Variants in IKZF3 observed in about 807,000 individuals in gnomAD.
IKZF3 encodes IKAROS family zinc finger 3.
Under a neutral mutation model 49.0 loss-of-function variants are expected in IKZF3, and 10 were observed. The ratio of observed to expected loss-of-function variants is 0.20; its 90% CI spans 0.13 to 0.35. The LOEUF (loss-of-function observed/expected upper bound fraction) is 0.35. IKZF3 is among the 10% of genes least tolerant of loss of function. The pLI is 1.00. For missense variants in IKZF3, 498 were observed against 664.8 expected, an observed-to-expected ratio of 0.75 and a Z score of 2.76; for synonymous variants, 209 against 228.2, an observed-to-expected ratio of 0.92 and a Z score of 0.76.
chr17:39,844,864 C>T (rs561638747), intron 1 of IKZF3, among the ~76,000 whole-genome samples: 22 of 152,128 alleles, frequency 1.4e-4, no homozygotes, highest in African/African-American at 3.9e-4. Flanking sequence ...TCAGGTAATC[C>T]GCCTGCCTCA....
At chr17:39,835,312 C>T (rs2062240509) in intron 1 of IKZF3, 1 of 541,100 alleles carries the variant, frequency 1.8e-6, no homozygotes, top group Non-Finnish European at 3.6e-6. Context: ...AGCTGACGCG[C>T]CACGTCCTGC....
intron 6 of IKZF3, among the ~76,000 whole-genome samples, chr17:39,782,282 C>T (rs545653254): frequency 5.3e-4 from 80 of 152,158 alleles, no homozygotes; most frequent in Non-Finnish European, 7.9e-4. Flanking sequence ...CCATGGTTTG[C>T]GCCTGTAATC....
intron 3 of IKZF3, among the ~76,000 whole-genome samples, chr17:39,815,965 G>A (rs907332095): frequency 7.9e-5 from 12 of 151,984 alleles, no homozygotes; most frequent in South Asian, 2.1e-4. Flanking sequence ...AAACAATTTC[G>A]AACAGAATAT....
chr17:39,829,611 C>T lies in IKZF3; in HGVS notation c.62-123G>A. On this transcript the variant is annotated intron_variant, in intron 2 of 7. Coordinates refer to ENST00000346872, the MANE Select transcript of IKZF3 (RefSeq NM_012481.5). ...AATCCTTTAGTGACAGATAGTACCC[C>T]TTCACACATACCCAAAAGGGATGTA... 3 of 653,024 alleles carry T rather than the reference C, an allele frequency of 4.6e-6. No homozygotes were observed. The South Asian group carries it at 5.7e-5, about 12-fold the overall frequency. 40.5% of individuals were successfully genotyped at this position (653,024 alleles called of 1,614,324 possible).
At chr17:39,835,856 A>T in intron 1 of IKZF3, 1 of 606,646 alleles carries the variant, frequency 1.6e-6, no homozygotes, top group Non-Finnish European at 3.1e-6. Flanking sequence ...CTGTATGCTT[A>T]CTGATCTCAT....
At position 39,864,222 on chromosome 17, in the gene IKZF3, A is replaced by G. The variant is rs1214675241; in HGVS notation, c.-96T>C. 1 of 1,444,052 alleles carries G rather than the reference A, an allele frequency of 6.9e-7. No homozygotes were observed. The highest frequency in any genetic ancestry group is 2.2e-5 in the Admixed American group (1 of 46,346). 89.5% of individuals were successfully genotyped at this position (1,444,052 alleles called of 1,614,324 possible). A position where few individuals can be genotyped will look rare whatever the true frequency, so the allele number is the denominator to read the frequency against. Reference sequence around the variant, plus strand: ...GGACTCAGCGCGCAGCTGGCGGGAGATTCCCGGCGCGGGGAGTCCCCGGGA... The same window carrying G: ...GGACTCAGCGCGCAGCTGGCGGGAGGTTCCCGGCGCGGGGAGTCCCCGGGA... On this transcript the variant is annotated 5_prime_UTR_variant, in exon 1 of 8. Transcript: ENST00000346872.
At chr17:39,851,070 TAGAG>T (rs948830503) in intron 1 of IKZF3, among the ~76,000 whole-genome samples, 2 of 147,472 alleles carry the variant, frequency 1.4e-5, no homozygotes, top group South Asian at 4.2e-4. Flanking sequence ...TATATATATA[TAGAG>T]AGAGAGGGAG....
At chr17:39,769,383 C>T (rs1400637845) in intron 7 of IKZF3, among the ~76,000 whole-genome samples, 1 of 152,104 alleles carries the variant, frequency 6.6e-6, no homozygotes, top group African/African-American at 2.4e-5. Context: ...AGCAGCTGAC[C>T]TTAAGGCCAA....
intron 7 of IKZF3, among the ~76,000 whole-genome samples, chr17:39,768,316 T>A (rs1314249610): frequency 6.6e-6 from 1 of 152,136 alleles, no homozygotes; most frequent in Non-Finnish European, 1.5e-5. Context: ...TGGAAGAATT[T>A]AGATTTTCAG....
intron 3 of IKZF3, among the ~76,000 whole-genome samples, chr17:39,801,138 C>A (rs2061306530): frequency 6.6e-6 from 1 of 152,106 alleles, no homozygotes; most frequent in Non-Finnish European, 1.5e-5. Flanking sequence ...AAGATAGAGG[C>A]TGTTAGGGAA....
At chr17:39,861,060 ATAAAAAG>A (rs60534400) in intron 1 of IKZF3, among the ~76,000 whole-genome samples, 8,772 of 152,232 alleles carry the variant, frequency 0.058, 386 homozygotes, top group African/African-American at 0.12. Context: ...AATAAACATA[ATAAAAAG>A]TACTTTTTCA....
intron 3 of IKZF3, among the ~76,000 whole-genome samples, chr17:39,808,893 C>G (rs150112099): frequency 1.3e-5 from 2 of 152,092 alleles, no homozygotes; most frequent in African/African-American, 4.8e-5. Flanking sequence ...GTTCAAATGT[C>G]GGTGGATGGG....
intron 3 of IKZF3, among the ~76,000 whole-genome samples, chr17:39,822,751 T>G (rs1427306125): frequency 6.6e-6 from 1 of 151,774 alleles, no homozygotes; most frequent in Non-Finnish European, 1.5e-5. Context: ...CCCAGCTAAT[T>G]TTTTGTATTT....
At chr17:39,811,318 G>GGAAAGAAAGAAA (rs71355418) in intron 3 of IKZF3, among the ~76,000 whole-genome samples, 54 of 132,590 alleles carry the variant, frequency 4.1e-4, no homozygotes, top group African/African-American at 1.4e-3. Context: ...AAAGAGAGAA[G>GGAAAGAAAGAAA]GAAAGAAAGA....
At chr17:39,852,091 G>C (rs2062893405) in intron 1 of IKZF3, among the ~76,000 whole-genome samples, 1 of 152,028 alleles carries the variant, frequency 6.6e-6, no homozygotes. Context: ...AAACTTCCCT[G>C]CAAATTGGGA....
In IKZF3 at chr17:39,815,281, A is replaced by G. The variant is rs144527824; in HGVS notation, c.163+14106T>C. Among the ~76,000 whole-genome samples, 364 of 152,374 alleles carry G rather than the reference A, an allele frequency of 2.4e-3. 1 individual carries two copies. Among genetic ancestry groups the G allele is most frequent in the African/African-American group, 8.5e-3 (352 of 41,602 alleles). ...CGCAAGAGTTCTATTTCAGTCGTTC[A>G]GGCCTTAAGGCCATGTCTTTTCCAC... On this transcript the variant is annotated intron_variant, in intron 3 of 7. Transcript: ENST00000346872.
intron 1 of IKZF3, among the ~76,000 whole-genome samples, chr17:39,849,716 G>C (rs866182642): frequency 6.6e-6 from 1 of 151,842 alleles, no homozygotes; most frequent in Non-Finnish European, 1.5e-5. Flanking sequence ...GACGCTTCAG[G>C]AAAGAGGATC....
At chr17:39,858,505 G>GT (rs201152777) in intron 1 of IKZF3, among the ~76,000 whole-genome samples, 3,594 of 152,060 alleles carry the variant, frequency 0.024, 58 homozygotes, top group Non-Finnish European at 0.036. Context: ...CAAGTACCTA[G>GT]TTTTTTGTTT....
At chr17:39,833,270 T>A (rs1316728424) in intron 1 of IKZF3, among the ~76,000 whole-genome samples, 4 of 152,162 alleles carry the variant, frequency 2.6e-5, no homozygotes, top group African/African-American at 9.7e-5. Flanking sequence ...AAAGTAAATT[T>A]TACATACAGT....
Sources: allele counts gnomAD v4.1 joint callset (sites outside exome capture counted in the v4.1 genomes callset), GRCh38; gene constraint gnomAD v4.1.1; transcripts MANE v1.5; gene names NCBI Gene and HGNC (gene_info 2026-07-23, HGNC 2026-07-21).